Variants in DAB1 observed in about 807,000 individuals in gnomAD.
DAB1 encodes the protein disabled homolog 1.
In DAB1, 15 loss-of-function variants were observed where a neutral mutation model predicts 64.6. That is an observed-to-expected ratio of 0.23 (90% confidence interval 0.16 to 0.36). The LOEUF (loss-of-function observed/expected upper bound fraction) is 0.36. Ranked by LOEUF, DAB1 falls within the 10% of genes least tolerant of loss-of-function variation. DAB1 has a pLI of 1.00. For missense variants in DAB1, 596 were observed against 706.7 expected, an observed-to-expected ratio of 0.84 and a Z score of 1.78; for synonymous variants, 235 against 251.9, an observed-to-expected ratio of 0.93 and a Z score of 0.64.
At chr1:58,340,240 A>G (rs930125442) in intron 4 of DAB1, among the ~76,000 whole-genome samples, 1 of 152,210 alleles carries the variant, frequency 6.6e-6, no homozygotes, top group Non-Finnish European at 1.5e-5. Context: ...CCTTCCTCCA[A>G]CCCACTCACG....
intron 3 of DAB1, among the ~76,000 whole-genome samples, chr1:58,455,712 G>T (rs1393757712): frequency 3.9e-5 from 6 of 152,130 alleles, no homozygotes; most frequent in Non-Finnish European, 8.8e-5. Context: ...CCTCCCAATT[G>T]CCTTTCCTTT....
chr1:57,178,071 G>C (rs1662522968), intron 2 of DAB1, among the ~76,000 whole-genome samples: 1 of 152,044 alleles, frequency 6.6e-6, no homozygotes, highest in South Asian at 2.1e-4. Flanking sequence ...TATAGCCATG[G>C]GCGAAAACCA....
At chr1:57,868,953 T>G (rs1379868607) in intron 1 of DAB1, among the ~76,000 whole-genome samples, 2 of 152,156 alleles carry the variant, frequency 1.3e-5, no homozygotes, top group Non-Finnish European at 2.9e-5. Context: ...CCTTCAAGGT[T>G]CTGTTCAAAC....
chr1:57,262,337 C>T (rs1016105068), intron 2 of DAB1, among the ~76,000 whole-genome samples: 1 of 152,204 alleles, frequency 6.6e-6, no homozygotes, highest in Non-Finnish European at 1.5e-5. Context: ...TTAGGCAAAA[C>T]AGTCAAAGAA....
chr1:57,536,305 T>C (rs1025717109), intron 7 of DAB1, among the ~76,000 whole-genome samples: 3 of 152,146 alleles, frequency 2.0e-5, no homozygotes, highest in Non-Finnish European at 4.4e-5. Flanking sequence ...AGTCAGCTAG[T>C]GCCAAAAAAG....
chr1:58,524,243 TC>T (rs1444122042), intron 2 of DAB1, among the ~76,000 whole-genome samples: 2 of 152,228 alleles, frequency 1.3e-5, no homozygotes, highest in African/African-American at 4.8e-5. Flanking sequence ...AAAAACCTGT[TC>T]CGGCAGCTAT....
downstream of DAB1, among the ~76,000 whole-genome samples, chr1:57,823,401 A>G (rs1033911500): frequency 9.9e-5 from 15 of 152,156 alleles, no homozygotes; most frequent in Non-Finnish European, 2.1e-4. Context: ...ACCGAGGAAG[A>G]GGAAGGGGAA....
At chr1:58,211,789 G>T (rs1055247320) in intron 4 of DAB1, among the ~76,000 whole-genome samples, 16 of 152,030 alleles carry the variant, frequency 1.1e-4, no homozygotes, top group Non-Finnish European at 2.4e-4. Context: ...TGGTCTCATT[G>T]CTAGTGATAG....
At chr1:57,381,395 T>C (rs1242325994) in intron 1 of DAB1, among the ~76,000 whole-genome samples, 1 of 152,166 alleles carries the variant, frequency 6.6e-6, no homozygotes, top group Admixed American at 6.5e-5. Flanking sequence ...GTCCACAGTA[T>C]AAAGCATAAG....
chr1:57,022,529 C>A (rs1646653926), intron 11 of DAB1, among the ~76,000 whole-genome samples: 1 of 152,202 alleles, frequency 6.6e-6, no homozygotes, highest in African/African-American at 2.4e-5. Flanking sequence ...GATCCCTTAG[C>A]TCATGAGTAA....
At chr1:58,031,172 G>C (rs969277310) in intron 5 of DAB1, among the ~76,000 whole-genome samples, 11 of 152,180 alleles carry the variant, frequency 7.2e-5, no homozygotes, top group African/African-American at 2.2e-4. Flanking sequence ...ATGTGAATAT[G>C]TATGTGGCTT....
At chr1:57,548,171 G>A (rs1644876437) in intron 7 of DAB1, among the ~76,000 whole-genome samples, 1 of 152,050 alleles carries the variant, frequency 6.6e-6, no homozygotes, top group Admixed American at 6.6e-5. Flanking sequence ...CCCAACATTA[G>A]CTTGGTATCT....
intron 4 of DAB1, among the ~76,000 whole-genome samples, chr1:58,179,451 A>G (rs1656661358): frequency 6.6e-6 from 1 of 152,084 alleles, no homozygotes; most frequent in South Asian, 2.1e-4. Context: ...TTCGCCAGTA[A>G]AGCCATCTAG....
At chr1:57,462,816 A>G (rs1050527324) in intron 7 of DAB1, among the ~76,000 whole-genome samples, 8 of 152,192 alleles carry the variant, frequency 5.3e-5, no homozygotes, top group African/African-American at 1.9e-4. Flanking sequence ...ACTAATATAT[A>G]ATGTAGTGCT....
At chr1:58,224,761 T>G (rs527699001) in intron 4 of DAB1, among the ~76,000 whole-genome samples, 27 of 152,238 alleles carry the variant, frequency 1.8e-4, no homozygotes, top group East Asian at 5.8e-4. Context: ...TAGCCATATG[T>G]AGAAAGCTGA....
chr1:57,995,959 A>G lies in DAB1; in HGVS notation n.388-111797T>C, dbSNP rs190371131. 1.2e-4 allele frequency among the ~76,000 whole-genome samples: 19 copies of G among 152,214 alleles called. 1 individual carries two copies. The highest frequency in any genetic ancestry group is 4.6e-4 in the African/African-American group (19 of 41,542). On this transcript the variant is annotated intron_variant and non_coding_transcript_variant, in intron 5 of 20. Transcript: ENST00000485760. ...AGCTTCTTTGCACCCTAGTTGCTTC[A>G]TTTGGAAAATGAGGATAGTCTGGGC...
At chr1:58,206,411 T>C (rs1340169223) in intron 4 of DAB1, among the ~76,000 whole-genome samples, 2 of 151,856 alleles carry the variant, frequency 1.3e-5, no homozygotes, top group South Asian at 2.1e-4. Context: ...TCAGTTGCTA[T>C]TTTTTTTAAG....
chr1:58,478,709 T>A (rs1053534343), intron 3 of DAB1, among the ~76,000 whole-genome samples: 2 of 152,192 alleles, frequency 1.3e-5, no homozygotes, highest in African/African-American at 2.4e-5. Flanking sequence ...GCAGTAAATA[T>A]ACACACTGTC....
chr1:58,363,547 G>A (rs577182583), intron 3 of DAB1, among the ~76,000 whole-genome samples: 67 of 152,240 alleles, frequency 4.4e-4, no homozygotes, highest in Non-Finnish European at 8.1e-4. Flanking sequence ...GTGCGAGTTA[G>A]TGTACAGGTT....
Sources: allele counts gnomAD v4.1 joint callset (sites outside exome capture counted in the v4.1 genomes callset), GRCh38; gene constraint gnomAD v4.1.1; transcripts MANE v1.5; gene names NCBI Gene and HGNC (gene_info 2026-07-23, HGNC 2026-07-21).